Variants in THEMIS2 observed in about 807,000 individuals in gnomAD.
The protein encoded by THEMIS2 is thymocyte selection associated family member 2, also known as protein THEMIS2.
Under a neutral mutation model 46.8 loss-of-function variants are expected in THEMIS2, and 29 were observed. The observed-to-expected ratio is 0.62, with a 90% confidence interval of 0.46 to 0.84. THEMIS2 has a LOEUF of 0.84. Among genes scored for constraint, THEMIS2 ranks in the 40% least tolerant of loss-of-function variants. The probability of loss-of-function intolerance (pLI) is 0.00; values close to 1 mark genes in which losing one functional copy is unlikely to be tolerated. For missense variants in THEMIS2, 698 were observed against 834.7 expected (o/e 0.84, Z 2.02); for synonymous variants, 335 against 349.1 (o/e 0.96, Z 0.45).
rs1310384552 is a variant in THEMIS2 at position 27,874,039 on chromosome 1, T to TTTTTTGTTG, written c.94+1379_94+1380insGTTGTTTTT. 1.1e-3 allele frequency among the ~76,000 whole-genome samples: 144 copies of TTTTTTGTTG among 134,850 alleles called. 3 individuals are homozygous for TTTTTTGTTG. Among genetic ancestry groups the TTTTTTGTTG allele is most frequent in the African/African-American group, 4.2e-3 (138 of 32,702 alleles). 88.5% of individuals were successfully genotyped at this position (134,850 alleles called of 152,430 possible). ...CACCCTGGGTTCAACCTAGGTTTTT[T>TTTTTTGTTG]TTTTTTTTTTTGAGACAGAGTCTGG... On this transcript the variant is annotated intron_variant, in intron 1 of 5. Coordinates refer to ENST00000373921, the MANE Select transcript of THEMIS2 (RefSeq NM_001105556.3).
At chr1:27,876,194 G>C (rs913763430) in intron 1 of THEMIS2, among the ~76,000 whole-genome samples, 1 of 150,730 alleles carries the variant, frequency 6.6e-6, no homozygotes, top group Non-Finnish European at 1.5e-5. Flanking sequence ...AACTCCCTTA[G>C]TGTACAGCTA....
Position 27,882,810 on chromosome 1 carries a change from A to T in THEMIS2, c.1486A>T (p.Met496Leu), listed in dbSNP as rs541850295. 1.9e-6 allele frequency: 3 copies of T among 1,613,762 alleles called. No homozygotes were observed. Among genetic ancestry groups the T allele is most frequent in the African/African-American group, 2.7e-5 (2 of 74,926 alleles). ...GGTGAGCCTAGACTCTGAGCCTGGG[A>T]TGTGCTTTGAGATCCCTCCCCGGTG... is the stretch of plus-strand genomic sequence containing the variant. The part of the protein sequence containing the change: ...LVVSLDSEPG[M>L]CFEIPPRWLD... Residue 496 changes from methionine (M) to leucine (L), a missense_variant, in exon 4 of 6, where the codon ATG becomes TTG. Physicochemically the swap from Met to Leu is conservative, Grantham distance 15. Transcript: ENST00000373921. The surrounding 1 kb of genome is among the most constrained non-coding windows in gnomAD (Gnocchi z 7.6).
At position 27,882,140 on chromosome 1, in the gene THEMIS2, C is replaced by T; in HGVS notation, c.816C>T (p.Arg272=). 1.2e-6 allele frequency: 2 copies of T among 1,614,220 alleles called. No individual in the cohort carries two copies. Among genetic ancestry groups the T allele is most frequent in the Non-Finnish European group, 1.7e-6 (2 of 1,180,036 alleles). ...SMEILEVPEG[R]PIFLSPWVGS... ...AGATCCTGGAGGTTCCTGAGGGCCG[C>T]CCCATCTTCCTCAGCCCGTGGGTGG... The change falls in exon 4 of 6, where the codon CGC becomes CGT. Residue 272 remains arginine (R), a synonymous_variant. Transcript: ENST00000373921. This position sits in a 1 kb window ranked among gnomAD's most constrained non-coding sequence, Gnocchi z 7.6.
chr1:27,873,270 T>G (rs998780110), intron 1 of THEMIS2, among the ~76,000 whole-genome samples: 3 of 152,108 alleles, frequency 2.0e-5, no homozygotes, highest in African/African-American at 7.2e-5. Flanking sequence ...TTCACAGGGA[T>G]GGGCACACAG....
chr1:27,881,554 G>A (rs376894056), intron 3 of THEMIS2, among the ~76,000 whole-genome samples: 33 of 151,910 alleles, frequency 2.2e-4, no homozygotes, highest in East Asian at 1.4e-3. Flanking sequence ...GGGGCCGGGC[G>A]TGGTGGCTCA....
chr1:27,882,883 A>AG lies in THEMIS2; in HGVS notation c.1563dup (p.Ser522ValfsTer25), dbSNP rs2089709446. The AG allele has an allele frequency of 6.2e-7, 1 of 1,613,800 alleles. No individual in the cohort carries two copies. The highest frequency in any genetic ancestry group is 1.3e-5 in the African/African-American group (1 of 74,854). ...GCCAAGGGGCAGCCAGACTTGCCAGAGGGGTCTCTCCCCATAGCCACAGTG... is the reference window on the plus strand; with the variant it reads ...GCCAAGGGGCAGCCAGACTTGCCAGAGGGGGTCTCTCCCCATAGCCACAGTG... On this transcript the variant is annotated frameshift_variant, in exon 4 of 6. Coordinates refer to ENST00000373921, the MANE Select transcript of THEMIS2 (RefSeq NM_001105556.3). LOFTEE classifies it high-confidence loss of function. The surrounding 1 kb of genome is among the most constrained non-coding windows in gnomAD (Gnocchi z 7.6).
chr1:27,882,110 C>T lies in THEMIS2; in HGVS notation c.786C>T (p.Ser262=). The T allele has an allele frequency of 6.2e-7, 1 of 1,614,236 alleles. No homozygotes were observed. Among genetic ancestry groups the T allele is most frequent in the Non-Finnish European group, 8.5e-7 (1 of 1,180,030 alleles). ...CCTGGGAAGGCCCTTTCCCCCTGTCCATGGAGATCCTGGAGGTTCCTGAGG... is the reference window on the plus strand; with the variant it reads ...CCTGGGAAGGCCCTTTCCCCCTGTCTATGGAGATCCTGGAGGTTCCTGAGG... ...VLAWEGPFPL[S]MEILEVPEGR... is the part of the protein sequence containing the mutation. Residue 262 remains serine (S), a synonymous_variant, in exon 4 of 6, where the codon TCC becomes TCT. Transcript: ENST00000373921. The surrounding 1 kb of genome is among the most constrained non-coding windows in gnomAD (Gnocchi z 7.6).
Position 27,880,140 on chromosome 1 carries a change from C to A in THEMIS2, c.646+86C>A, listed in dbSNP as rs1333518428. 4.3e-6 allele frequency: 6 copies of A among 1,401,352 alleles called. No homozygotes were observed. In the African/African-American group the frequency reaches 7.2e-5, roughly 17 times the overall value. The allele number at this position is 1,401,352 out of a possible 1,614,324, so 86.8% of individuals were successfully genotyped here. ...GAGCTGCTCTGATGGAAGACACCCC[C>A]ACCCCATCCCTGAGGATCAGCTGGA... On this transcript the variant is annotated intron_variant, in intron 3 of 5. Transcript: ENST00000373921.
chr1:27,876,690 A>T lies in THEMIS2; in HGVS notation c.197A>T (p.Lys66Met). The T allele has an allele frequency of 1.2e-6, 2 of 1,613,980 alleles. No homozygotes were observed. The highest frequency in any genetic ancestry group is 1.7e-6 in the Non-Finnish European group (2 of 1,179,962). The change falls in exon 2 of 6, where the codon AAG becomes ATG. Residue 66 changes from lysine to methionine, a missense_variant. By Grantham distance (95) the Lys-to-Met change is moderately conservative. Coordinates refer to ENST00000373921, the MANE Select transcript of THEMIS2 (RefSeq NM_001105556.3). Reference sequence around the variant, plus strand: ...CAGAAGGTGGTCTGTGAGAACCCGAAGACCAGCCAGACCATGGAGCTCGCC... The same window carrying T: ...CAGAAGGTGGTCTGTGAGAACCCGATGACCAGCCAGACCATGGAGCTCGCC... The part of the protein sequence containing the change: ...RLQKVVCENP[K>M]TSQTMELAPN...
At chr1:27,875,908 T>A (rs1030643659) in intron 1 of THEMIS2, among the ~76,000 whole-genome samples, 1 of 151,900 alleles carries the variant, frequency 6.6e-6, no homozygotes, top group Non-Finnish European at 1.5e-5. Flanking sequence ...TTCCCTGTGT[T>A]AGCCAGGATG....
At chr1:27,881,384 G>A (rs2089676087) in intron 3 of THEMIS2, among the ~76,000 whole-genome samples, 1 of 151,608 alleles carries the variant, frequency 6.6e-6, no homozygotes, top group African/African-American at 2.4e-5. Flanking sequence ...CCAGGGGCTA[G>A]AGCTTGCAGT....
At chr1:27,877,871 A>C (rs1210173126) in intron 2 of THEMIS2, among the ~76,000 whole-genome samples, 1 of 151,974 alleles carries the variant, frequency 6.6e-6, no homozygotes, top group Non-Finnish European at 1.5e-5. Flanking sequence ...GGCTGGGTGC[A>C]GTGGCTGGTG....
rs2089765536 is a variant in THEMIS2, at chr1:27,886,018, C to T, written c.*96C>T. ...TCTAAAAGACCTCGGGCAAGTCTCACAGAAACTGAGCTGCAGACGGGGAGT... is the reference window on the plus strand; with the variant it reads ...TCTAAAAGACCTCGGGCAAGTCTCATAGAAACTGAGCTGCAGACGGGGAGT... On this transcript the variant is annotated 3_prime_UTR_variant, in exon 6 of 6. Coordinates refer to ENST00000373921, the MANE Select transcript of THEMIS2 (RefSeq NM_001105556.3). The T allele has an allele frequency of 1.7e-6, 2 of 1,190,998 alleles. No homozygotes were observed. Among genetic ancestry groups the T allele is most frequent in the South Asian group, 1.3e-5 (1 of 79,822 alleles). The allele number at this position is 1,190,998 out of a possible 1,614,324, so 73.8% of individuals were successfully genotyped here. A position where few individuals can be genotyped will look rare whatever the true frequency, so the allele number is the denominator to read the frequency against.
At chr1:27,885,799 A>G (rs1397787551) in intron 5 of THEMIS2, 68 bp from the exon 6 acceptor site, 45 of 1,502,924 alleles carry the variant, frequency 3.0e-5, no homozygotes, top group Non-Finnish European at 4.2e-5. Flanking sequence ...AGATGAGGAA[A>G]CTGCCCTACA....
chr1:27,880,912 G>T (rs2089668170), intron 3 of THEMIS2, among the ~76,000 whole-genome samples: 1 of 151,674 alleles, frequency 6.6e-6, no homozygotes, highest in Non-Finnish European at 1.5e-5. Context: ...CTAGTAGTTG[G>T]GATTATAGGC....
rs758703060 is a variant in THEMIS2 at position 27,882,969 on chromosome 1, G to A, written c.1645G>A (p.Ala549Thr). 9.3e-6 allele frequency: 15 copies of A among 1,613,454 alleles called. 1 individual carries two copies. The South Asian group carries it at 1.6e-4, about 18-fold the overall frequency. The change falls in exon 4 of 6, where the codon GCC (alanine) becomes ACC (threonine). Residue 549 changes from alanine to threonine, a missense_variant. Ala to Thr is a moderately conservative substitution (Grantham distance 58). Coordinates refer to ENST00000373921, the MANE Select transcript of THEMIS2 (RefSeq NM_001105556.3). This position sits in a 1 kb window ranked among gnomAD's most constrained non-coding sequence, Gnocchi z 7.6. ...LRKLPACEIQ[A>T]PPPRPPKNQG... ...GAAGTTACCAGCCTGTGAGATCCAA[G>A]CCCCCCCACCCAGGCCCCCTAAAAA...
rs977460681 is a variant in THEMIS2 at position 27,872,586 on chromosome 1, G to A, written c.15G>A (p.Pro5=). 1.2e-5 allele frequency: 18 copies of A among 1,486,886 alleles called. No individual in the cohort carries two copies. Among genetic ancestry groups the A allele is most frequent in the Admixed American group, 4.4e-5 (2 of 45,010 alleles). The allele number at this position is 1,486,886 out of a possible 1,614,324, so 92.1% of individuals were successfully genotyped here. Residue 5 remains proline (P), a synonymous_variant, in exon 1 of 6, where the codon CCG becomes CCA. Coordinates refer to ENST00000373921, the MANE Select transcript of THEMIS2 (RefSeq NM_001105556.3). The surrounding 1 kb of genome is among the most constrained non-coding windows in gnomAD (Gnocchi z 4.9). The part of the protein sequence containing the change: MEPV[P]LQDFVRALDP... ...CCGCGGGGACCATGGAGCCGGTGCCGCTGCAGGACTTCGTGCGCGCCTTGG... is the reference window on the plus strand; with the variant it reads ...CCGCGGGGACCATGGAGCCGGTGCCACTGCAGGACTTCGTGCGCGCCTTGG...
chr1:27,879,145 G>A (rs2089635405), intron 2 of THEMIS2, among the ~76,000 whole-genome samples: 1 of 152,140 alleles, frequency 6.6e-6, no homozygotes, highest in South Asian at 2.1e-4. Context: ...GGGACAGTCG[G>A]GCAGTCACTA....
rs1444623181 is a variant in THEMIS2 at position 27,886,622 on chromosome 1, C to A, written c.*700C>A. 1 of 152,106 alleles carries A rather than the reference C, an allele frequency of 6.6e-6. No homozygotes were observed. Among genetic ancestry groups the A allele is most frequent in the Admixed American group, 6.6e-5 (1 of 15,252 alleles). The allele number at this position is 152,106 out of a possible 1,614,324, so 9.4% of individuals were successfully genotyped here. A position where few individuals can be genotyped will look rare whatever the true frequency, so the allele number is the denominator to read the frequency against. On this transcript the variant is annotated 3_prime_UTR_variant, in exon 6 of 6. Transcript: ENST00000373921. ...GTCGTCAAAGTTGTAAGTGACTAAC[C>A]AAGATTATTTCATTTTAAAACCATA...
Sources: gnomAD v4.1 joint callset for allele counts (sites outside exome capture counted in the v4.1 genomes callset) on GRCh38, gnomAD v4.1.1 for gene constraint, Gnocchi (gnomAD v3.1) non-coding constraint, MANE v1.5 for transcripts, NCBI Gene and HGNC (gene_info 2026-07-23, HGNC 2026-07-21) for gene names.